Variants in SMIM19 observed in about 807,000 individuals in gnomAD.
SMIM19 encodes small integral membrane protein 19, also known as UPF0697 protein C8orf40.
SMIM19 carries 6 observed loss-of-function variants against 13.2 expected under a neutral mutation model. The ratio of observed to expected loss-of-function variants is 0.45; its 90% CI spans 0.25 to 0.90. The LOEUF (loss-of-function observed/expected upper bound fraction) is 0.90, where lower values mean the gene tolerates loss of function less well. Ranked by LOEUF, SMIM19 falls within the 40% of genes least tolerant of loss-of-function variation. The pLI is 0.19. For synonymous variants in SMIM19, 46 were observed against 43.1 expected (o/e 1.07, Z -0.27); for missense variants, 138 against 131.0 (o/e 1.05, Z -0.26).
rs1813225909 is a variant in SMIM19 at position 42,541,881 on chromosome 8, C to A, written c.-497C>A. The A allele has an allele frequency of 6.6e-6, 1 of 152,104 alleles. No individual in the cohort carries two copies. Among genetic ancestry groups the A allele is most frequent in the Non-Finnish European group, 1.5e-5 (1 of 68,032 alleles). 9.4% of individuals were successfully genotyped at this position (152,104 alleles called of 1,614,324 possible). ...GCACCCGCCCGGTCCCGGCGCGGAG[C>A]CCCTCGGCGTCGCGTGGAGCTGCGA... On this transcript the variant is annotated 5_prime_UTR_variant, in exon 1 of 4. Transcript: ENST00000417410.
At chr8:42,551,469 A>G (rs1336604978) in intron 3 of SMIM19, among the ~76,000 whole-genome samples, 4 of 152,310 alleles carry the variant, frequency 2.6e-5, no homozygotes, top group East Asian at 1.9e-4. Context: ...ACAGAATTGC[A>G]TATCTATTTT....
chr8:42,554,258 A>G lies in SMIM19; in HGVS notation c.*1650A>G, dbSNP rs1282361622. 3 of 152,230 alleles carry G rather than the reference A, an allele frequency of 2.0e-5. No homozygotes were observed. Among genetic ancestry groups the G allele is most frequent in the Non-Finnish European group, 2.9e-5 (2 of 68,034 alleles). The allele number at this position is 152,230 out of a possible 1,614,324, so 9.4% of individuals were successfully genotyped here. On this transcript the variant is annotated 3_prime_UTR_variant, in exon 4 of 4. Coordinates refer to ENST00000417410, the MANE Select transcript of SMIM19 (RefSeq NM_001135674.2). ...TAAAGGATTGTAAACAGTTGTAATT[A>G]TGGGTTGTAGTAACAGAGCAACAAG...
chr8:42,541,399 A>G (rs1813138409), upstream of SMIM19: 2 of 145,374 alleles, frequency 1.4e-5, no homozygotes, highest in Admixed American at 1.4e-4. Context: ...CGGCGCGCGC[A>G]GCCCGGGCGG....
rs1201407159 is a variant in SMIM19 at position 42,542,119 on chromosome 8, G to T, written c.-259G>T. 6.6e-6 allele frequency: 1 copy of T among 152,326 alleles called. No individual in the cohort carries two copies. Among genetic ancestry groups the T allele is most frequent in the Non-Finnish European group, 1.5e-5 (1 of 68,126 alleles). 9.4% of individuals were successfully genotyped at this position (152,326 alleles called of 1,614,324 possible). A position where few individuals can be genotyped will look rare whatever the true frequency, so the allele number is the denominator to read the frequency against. ...CTTGACTTTCTTCCGGAAGGAGCAG[G>T]TCTCGCAGGATCGGGGCCAAGACTG... is the stretch of plus-strand genomic sequence containing the variant. On this transcript the variant is annotated 5_prime_UTR_variant, in exon 1 of 4. Coordinates refer to ENST00000417410, the MANE Select transcript of SMIM19 (RefSeq NM_001135674.2).
At chr8:42,550,460 C>G (rs1813637143) in intron 3 of SMIM19, among the ~76,000 whole-genome samples, 1 of 152,142 alleles carries the variant, frequency 6.6e-6, no homozygotes. Context: ...TTTCTAGAGC[C>G]TCCAAGGAAA....
intron 1 of SMIM19, among the ~76,000 whole-genome samples, chr8:42,544,501 T>G (rs1453074613): frequency 3.8e-5 from 2 of 52,304 alleles, no homozygotes; most frequent in Non-Finnish European, 9.8e-5. Flanking sequence ...TATCTAGGAA[T>G]TGGGTATAGT....
chr8:42,552,440 A>G, intron 3 of SMIM19, 104 bp from the exon 4 acceptor site: 1 of 1,272,824 alleles, frequency 7.9e-7, no homozygotes, highest in Admixed American at 2.1e-5. Flanking sequence ...ACAAAAACTA[A>G]TTCTTCATTG....
At chr8:42,546,140 C>A (rs1813473673) in intron 1 of SMIM19, among the ~76,000 whole-genome samples, 1 of 152,170 alleles carries the variant, frequency 6.6e-6, no homozygotes, top group Non-Finnish European at 1.5e-5. Context: ...TACTTTAAAT[C>A]ATCTCTAAGC....
At chr8:42,542,668 AAGT>A (rs754401233) in intron 1 of SMIM19, among the ~76,000 whole-genome samples, 1 of 152,224 alleles carries the variant, frequency 6.6e-6, no homozygotes. Context: ...TCCCTAGAAA[AAGT>A]AGTTCTCGGC....
upstream of SMIM19, chr8:42,541,468 C>T (rs1214282985): frequency 4.2e-5 from 6 of 143,962 alleles, no homozygotes; most frequent in African/African-American, 1.5e-4. Flanking sequence ...GGGGGCGGCA[C>T]TGGGGCCGCC....
intron 1 of SMIM19, among the ~76,000 whole-genome samples, chr8:42,545,093 A>G (rs1299472893): frequency 1.3e-5 from 2 of 152,206 alleles, no homozygotes; most frequent in African/African-American, 4.8e-5. Flanking sequence ...TTTCTCCTGT[A>G]TATAGAGTGT....
chr8:42,546,447 T>C (rs1813486579), intron 1 of SMIM19, 22 bp from the exon 2 acceptor site: 2 of 1,584,462 alleles, frequency 1.3e-6, no homozygotes, highest in African/African-American at 2.7e-5. Flanking sequence ...AAAGAAACCC[T>C]GCTTTCTTTT....
rs771436968 is a variant in SMIM19 at position 42,552,554 on chromosome 8, C to T, written c.270C>T (p.Tyr90=). Residue 90 remains tyrosine, a synonymous_variant, in exon 4 of 4, where the codon TAC becomes TAT. Coordinates refer to ENST00000417410, the MANE Select transcript of SMIM19 (RefSeq NM_001135674.2). ...TCTTGTTGTGAATAGCAAGAAAGTA[C>T]GACTATCAGCAGCCACAAAACCAAG... ...QLEMYSISRK[Y]DYQQPQNQAD... is the part of the protein sequence containing the mutation. The T allele has an allele frequency of 2.2e-5, 36 of 1,613,770 alleles. No individual in the cohort carries two copies. In the East Asian group the frequency reaches 3.6e-4, roughly 16 times the overall value.
intron 3 of SMIM19, among the ~76,000 whole-genome samples, chr8:42,549,083 T>G (rs1813583898): frequency 6.6e-6 from 1 of 152,150 alleles, no homozygotes; most frequent in Admixed American, 6.6e-5. Flanking sequence ...AAACAAAGTG[T>G]GGTGCATACA....
rs1298427507 is a variant in SMIM19 at position 42,541,741 on chromosome 8, C to T, written c.-637C>T. ...CCGCGTCCCCGCTTCTCCCGGTCCC[C>T]GGCGGGGCCGCGTCACCCGGCCCCG... On this transcript the variant is annotated 5_prime_UTR_variant, in exon 1 of 4. Coordinates refer to ENST00000417410, the MANE Select transcript of SMIM19 (RefSeq NM_001135674.2). 1 of 148,950 alleles carries T rather than the reference C, an allele frequency of 6.7e-6. No individual in the cohort carries two copies. The highest frequency in any genetic ancestry group is 1.5e-5 in the Non-Finnish European group (1 of 66,890). The allele number at this position is 148,950 out of a possible 1,614,324, so 9.2% of individuals were successfully genotyped here. A position where few individuals can be genotyped will look rare whatever the true frequency, so the allele number is the denominator to read the frequency against.
At chr8:42,551,572 G>C (rs1169829168) in intron 3 of SMIM19, among the ~76,000 whole-genome samples, 4 of 152,128 alleles carry the variant, frequency 2.6e-5, no homozygotes, top group African/African-American at 7.2e-5. Context: ...AATTCCTTAT[G>C]TGTGGACAAA....
At position 42,548,716 on chromosome 8, in the gene SMIM19, G is replaced by A; in HGVS notation, c.195G>A (p.Glu65=). ...SVPPTEETLS[E]PNFYDTISKI... ...CACCTACAGAGGAAACTTTGTCAGA[G>A]CCCAACTTTTATGACACGATAAGCA... Residue 65 remains glutamate (E), a synonymous_variant, in exon 3 of 4, where the codon GAG becomes GAA. Coordinates refer to ENST00000417410, the MANE Select transcript of SMIM19 (RefSeq NM_001135674.2). 1 of 1,613,864 alleles carries A rather than the reference G, an allele frequency of 6.2e-7. No homozygotes were observed. Among genetic ancestry groups the A allele is most frequent in the Non-Finnish European group, 8.5e-7 (1 of 1,179,912 alleles).
At chr8:42,543,075 G>T (rs539585242) in intron 1 of SMIM19, among the ~76,000 whole-genome samples, 1 of 151,618 alleles carries the variant, frequency 6.6e-6, no homozygotes, top group Non-Finnish European at 1.5e-5. Context: ...ATATACTCTT[G>T]TTTACTTGAG....
Position 42,546,565 on chromosome 8 carries a change from A to C in SMIM19, c.93A>C (p.Ile31=). ...AWNEATNVYL[I]VILVSFGLFM... is the part of the protein sequence containing the mutation. ...ATGAAGCCACCAATGTTTACTTGAT[A>C]GTTATCCTTGTTAGCTTCGGTCTCT... Residue 31 remains isoleucine (I), a synonymous_variant, in exon 2 of 4, where the codon ATA becomes ATC. Coordinates refer to ENST00000417410, the MANE Select transcript of SMIM19 (RefSeq NM_001135674.2). 6.2e-7 allele frequency: 1 copy of C among 1,614,110 alleles called. No individual in the cohort carries two copies. The highest frequency in any genetic ancestry group is 2.2e-5 in the East Asian group (1 of 44,904).
Sources: gnomAD v4.1 joint callset for allele counts (sites outside exome capture counted in the v4.1 genomes callset) on GRCh38, gnomAD v4.1.1 for gene constraint, MANE v1.5 for transcripts, NCBI Gene and HGNC (gene_info 2026-07-23, HGNC 2026-07-21) for gene names.